Variants in DNM3 observed in about 807,000 individuals in gnomAD.
DNM3 encodes the protein dynamin-3.
Under a neutral mutation model 101.6 loss-of-function variants are expected in DNM3, and 47 were observed. The observed-to-expected ratio is 0.46, with a 90% CI of 0.37 to 0.59. DNM3 has a LOEUF of 0.59. Among genes scored for constraint, DNM3 ranks in the 20% least tolerant of loss-of-function variants. The pLI is 0.00. For synonymous variants in DNM3, 385 were observed against 387.9 expected (o/e 0.99, Z 0.09); for missense variants, 849 against 1,085.7 (o/e 0.78, Z 3.06).
downstream of DNM3, among the ~76,000 whole-genome samples, chr1:172,416,922 G>C (rs972459386): frequency 6.6e-6 from 1 of 152,084 alleles, no homozygotes; most frequent in Non-Finnish European, 1.5e-5. Flanking sequence ...TGGATGGGAG[G>C]CCTCTTTAGT....
rs1572129493 is a variant in DNM3, at chr1:172,023,031, A to G, written c.590-9371A>G. ...AATTATCTCTGTTTGGTTTGTTTGC[A>G]TAGTTTTCTGTACATCTATCACTAA... On this transcript the variant is annotated intron_variant, in intron 4 of 20. Coordinates refer to ENST00000627582, the MANE Select transcript of DNM3 (RefSeq NM_015569.5). Among the ~76,000 whole-genome samples the G allele has an allele frequency of 2.0e-5, 3 of 152,082 alleles. No individual in the cohort carries two copies. In the South Asian group the frequency reaches 6.2e-4, roughly 31 times the overall value.
chr1:172,068,185 G>A (rs1388266868), intron 10 of DNM3, among the ~76,000 whole-genome samples: 1 of 152,076 alleles, frequency 6.6e-6, no homozygotes, highest in Non-Finnish European at 1.5e-5. Flanking sequence ...AAAATTAGCT[G>A]AGCTTGGTGG....
chr1:171,844,068 G>T (rs2031700882), intron 1 of DNM3, among the ~76,000 whole-genome samples: 1 of 148,620 alleles, frequency 6.7e-6, no homozygotes, highest in Admixed American at 6.6e-5. Context: ...AATTAGGAAG[G>T]TCATTTGACT....
chr1:172,253,943 A>G (rs1030044529), intron 15 of DNM3, among the ~76,000 whole-genome samples: 10 of 148,652 alleles, frequency 6.7e-5, no homozygotes, highest in Admixed American at 3.4e-4. Context: ...TTCTTCATCC[A>G]TTTTTTTTTT....
At chr1:172,412,961 G>A (rs1330111328), downstream of DNM3, among the ~76,000 whole-genome samples, 1 of 152,124 alleles carries the variant, frequency 6.6e-6, no homozygotes, top group Admixed American at 6.6e-5. Flanking sequence ...GTCATTATTG[G>A]AATCGATTGA....
At chr1:172,204,454 C>G (rs2148497337) in intron 14 of DNM3, among the ~76,000 whole-genome samples, 1 of 152,134 alleles carries the variant, frequency 6.6e-6, no homozygotes, top group South Asian at 2.1e-4. Flanking sequence ...TTTCTGTTCC[C>G]CTCTTGAGCA....
intron 5 of DNM3, 91 bp downstream of exon 5, chr1:172,032,591 G>A (rs983712579): frequency 5.7e-5 from 47 of 826,262 alleles, no homozygotes; most frequent in African/African-American, 2.5e-4. Context: ...AAGCCACTAG[G>A]AGGTTTGGTT....
chr1:171,910,280 A>G (rs1480141538), intron 1 of DNM3, among the ~76,000 whole-genome samples: 1 of 152,232 alleles, frequency 6.6e-6, no homozygotes, highest in Non-Finnish European at 1.5e-5. Context: ...TGCGGTCTGA[A>G]AAGACTCAAT....
chr1:171,979,285 A>G (rs2044606686), intron 2 of DNM3, among the ~76,000 whole-genome samples: 1 of 152,110 alleles, frequency 6.6e-6, no homozygotes, highest in South Asian at 2.1e-4. Flanking sequence ...TGTTTTCTGT[A>G]TTTGGAATAT....
At position 172,358,930 on chromosome 1, in the gene DNM3, A is replaced by T. The variant is rs371408539; in HGVS notation, c.1894-20088A>T. Among the ~76,000 whole-genome samples, 4 of 151,796 alleles carry T rather than the reference A, an allele frequency of 2.6e-5. No homozygotes were observed. The South Asian group carries it at 8.3e-4, about 32-fold the overall frequency. On this transcript the variant is annotated intron_variant, in intron 17 of 20. Coordinates refer to ENST00000627582, the MANE Select transcript of DNM3 (RefSeq NM_015569.5). ...AAAAGCCACAGACAGAGTAGTCGGTATGATTTCAGACCACATGACTCATTA... is the reference window on the plus strand; with the variant it reads ...AAAAGCCACAGACAGAGTAGTCGGTTTGATTTCAGACCACATGACTCATTA...
chr1:171,952,859 A>G (rs995599243), intron 2 of DNM3, among the ~76,000 whole-genome samples: 5 of 152,106 alleles, frequency 3.3e-5, no homozygotes, highest in African/African-American at 1.2e-4. Context: ...TTAAATAACT[A>G]TTTTCTCTTA....
chr1:172,066,636 A>G (rs948398212), intron 10 of DNM3, among the ~76,000 whole-genome samples: 6 of 152,204 alleles, frequency 3.9e-5, no homozygotes, highest in Non-Finnish European at 4.4e-5. Flanking sequence ...AATTTGGAGG[A>G]AAGAAATATC....
intron 10 of DNM3, among the ~76,000 whole-genome samples, chr1:172,053,832 C>G (rs1558491064): frequency 6.6e-6 from 1 of 152,010 alleles, no homozygotes; most frequent in Non-Finnish European, 1.5e-5. Context: ...TATTTAAAAA[C>G]TGGTCTAATT....
chr1:172,385,539 C>T (rs1369589001), intron 18 of DNM3, among the ~76,000 whole-genome samples: 1 of 152,332 alleles, frequency 6.6e-6, no homozygotes, highest in East Asian at 1.9e-4. Context: ...TCTTGGTTTA[C>T]AAAATATGTA....
chr1:172,221,538 G>A (rs2148565628), intron 14 of DNM3, among the ~76,000 whole-genome samples: 1 of 152,194 alleles, frequency 6.6e-6, no homozygotes, highest in South Asian at 2.1e-4. Context: ...AAACTATCTT[G>A]GTAAAGGAAT....
At chr1:172,078,445 C>CTT (rs1163612701) in intron 11 of DNM3, among the ~76,000 whole-genome samples, 15 of 144,342 alleles carry the variant, frequency 1.0e-4, no homozygotes, top group African/African-American at 3.5e-4. Flanking sequence ...TGCAACCCTG[C>CTT]TTTTTTTTTT....
chr1:171,895,119 G>A (rs2037664551), intron 1 of DNM3, among the ~76,000 whole-genome samples: 1 of 152,190 alleles, frequency 6.6e-6, no homozygotes, highest in African/African-American at 2.4e-5. Context: ...TGTCTTTATA[G>A]TAGTATGATT....
chr1:172,336,245 C>T (rs1222624141), intron 17 of DNM3, among the ~76,000 whole-genome samples: 1 of 152,108 alleles, frequency 6.6e-6, no homozygotes, highest in Non-Finnish European at 1.5e-5. Flanking sequence ...AGTTAGCAAA[C>T]TGGCCAAAGG....
At chr1:172,313,377 C>T (rs1557977279) in intron 16 of DNM3, among the ~76,000 whole-genome samples, 1 of 152,170 alleles carries the variant, frequency 6.6e-6, no homozygotes, top group Non-Finnish European at 1.5e-5. Context: ...ATTTTTCCTA[C>T]ATATGTGATT....
Sources: gnomAD v4.1 joint callset for allele counts (sites outside exome capture counted in the v4.1 genomes callset) on GRCh38, gnomAD v4.1.1 for gene constraint, MANE v1.5 for transcripts, NCBI Gene and HGNC (gene_info 2026-07-23, HGNC 2026-07-21) for gene names.